Variants in SZT2 observed in about 807,000 individuals in gnomAD.
SZT2 encodes the protein SZT2 subunit of KICSTOR complex.
In SZT2, 216 loss-of-function variants were observed where a neutral mutation model predicts 404.2. The ratio of observed to expected loss-of-function variants is 0.53; its 90% CI spans 0.48 to 0.60. The LOEUF (loss-of-function observed/expected upper bound fraction) is 0.60, where lower values mean the gene tolerates loss of function less well. Among genes scored for constraint, SZT2 ranks in the 20% least tolerant of loss-of-function variants. SZT2 has a pLI of 0.00. For synonymous variants in SZT2, 1,693 were observed against 1,749.9 expected, an observed-to-expected ratio of 0.97 and a Z score of 0.81; for missense variants, 3,857 against 4,459.2, an observed-to-expected ratio of 0.86 and a Z score of 3.85.
chr1:43,419,973 A>C lies in SZT2; in HGVS notation c.1090+29A>C, dbSNP rs1889589. ...AGAGGCACACTGAGGTGGGTGTGGG[A>C]AGGAGGGAATATAGAATGGGCCCAG... On this transcript the variant is annotated intron_variant, in intron 8 of 71. Transcript: ENST00000634258. The C allele has an allele frequency of 1.2e-3, 1,914 of 1,597,190 alleles. 10 individuals are homozygous for C. Among genetic ancestry groups the C allele is most frequent in the African/African-American group, 8.2e-3 (617 of 74,980 alleles).
At position 43,451,015 on chromosome 1, in the gene SZT2, T is replaced by C; in HGVS notation, c.*535T>C. On this transcript the variant is annotated 3_prime_UTR_variant, in exon 72 of 72. Coordinates refer to ENST00000634258, the MANE Select transcript of SZT2 (RefSeq NM_001365999.1). ...TTGCTCTCGGACCCTGGGTTTCTCA[T>C]CCTTTAATGAGGTGGGTTCAGAAGC... 1 of 769,674 alleles carries C rather than the reference T, an allele frequency of 1.3e-6. No individual in the cohort carries two copies. The highest frequency in any genetic ancestry group is 2.4e-6 in the Non-Finnish European group (1 of 422,752). The allele number at this position is 769,674 out of a possible 1,614,324, so 47.7% of individuals were successfully genotyped here.
Position 43,453,279 on chromosome 1 carries a change from A to G in SZT2, c.*2799A>G. ...ACCAGGACCGCAGAGGCAGAGATAA[A>G]CCAGTGGGCTCAGACTTCTGAGCGT... On this transcript the variant is annotated 3_prime_UTR_variant, in exon 72 of 72. Transcript: ENST00000634258. 1 of 737,516 alleles carries G rather than the reference A, an allele frequency of 1.4e-6. No individual in the cohort carries two copies. Among genetic ancestry groups the G allele is most frequent in the Non-Finnish European group, 2.2e-6 (1 of 452,688 alleles). 45.7% of individuals were successfully genotyped at this position (737,516 alleles called of 1,614,324 possible). A position where few individuals can be genotyped will look rare whatever the true frequency, so the allele number is the denominator to read the frequency against.
At chr1:43,418,512 G>A (rs1651957293) in intron 7 of SZT2, among the ~76,000 whole-genome samples, 1 of 152,236 alleles carries the variant, frequency 6.6e-6, no homozygotes, top group Non-Finnish European at 1.5e-5. Context: ...GTACTGTAAG[G>A]AAGAGGCCAG....
Position 43,443,776 on chromosome 1 carries a change from G to A in SZT2, c.8805G>A (p.Arg2935=). ...TAGGTTTTGTGCTGGTACCACTGCG[G>A]CCCCCCTCACCCGCCCGCAGGTGAG... is the stretch of plus-strand genomic sequence containing the variant. The part of the protein sequence containing the change: ...QSIGFVLVPL[R]PPSPARSTSR... Residue 2935 remains arginine (R), a synonymous_variant, in exon 62 of 72, where the codon CGG becomes CGA. Coordinates refer to ENST00000634258, the MANE Select transcript of SZT2 (RefSeq NM_001365999.1). The A allele has an allele frequency of 6.2e-7, 1 of 1,613,686 alleles. No individual in the cohort carries two copies. Among genetic ancestry groups the A allele is most frequent in the Non-Finnish European group, 8.5e-7 (1 of 1,180,024 alleles).
chr1:43,430,264 G>A lies in SZT2; in HGVS notation c.4402-47G>A, dbSNP rs369544440. On this transcript the variant is annotated intron_variant, in intron 30 of 71. Transcript: ENST00000634258. ...TGTAATCCCACTTGCCTAGGATGAG[G>A]CAAGTGGGATTCTTGCCTCATCATC... 5 of 1,606,898 alleles carry A rather than the reference G, an allele frequency of 3.1e-6. No individual in the cohort carries two copies. In the African/African-American group the frequency reaches 6.7e-5, roughly 22 times the overall value.
intron 4 of SZT2, chr1:43,411,853 A>G (rs2153931014): frequency 8.1e-6 from 1 of 123,472 alleles, no homozygotes; most frequent in Non-Finnish European, 1.6e-5. Context: ...ATCTTGGTTC[A>G]TTGCAACCTC....
Position 43,426,820 on chromosome 1 carries a change from ATTC to A in SZT2, c.3309+16_3309+18del. On this transcript the variant is annotated intron_variant, in intron 23 of 71. Coordinates refer to ENST00000634258, the MANE Select transcript of SZT2 (RefSeq NM_001365999.1). This position sits in a 1 kb window ranked among gnomAD's most constrained non-coding sequence, Gnocchi z 4.9. Reference sequence around the variant, plus strand: ...GCTTTTACTTCCCTGGTCAGCACCGATTCTTCTCCCTGAGCCCTTGTCACACTG... The same window carrying A: ...GCTTTTACTTCCCTGGTCAGCACCGATTCTCCCTGAGCCCTTGTCACACTG... 1.2e-6 allele frequency: 2 copies of A among 1,612,514 alleles called. No homozygotes were observed. Among genetic ancestry groups the A allele is most frequent in the Middle Eastern group, 1.7e-4 (1 of 6,060 alleles).
At position 43,422,502 on chromosome 1, in the gene SZT2, A is replaced by AC. The variant is rs2153932502; in HGVS notation, c.1796dup (p.Ser601GlnfsTer37). The stretch of plus-strand genomic sequence containing the variant: ...TAGACCAATCCCCAAGCACTTGCAC[A>AC]CCCCGGGCAGCAATGGGCGCTACAG... On this transcript the variant is annotated frameshift_variant, in exon 13 of 72. Transcript: ENST00000634258. LOFTEE classifies it high-confidence loss of function. The AC allele has an allele frequency of 1.5e-5, 24 of 1,588,380 alleles. No homozygotes were observed. The highest frequency in any genetic ancestry group is 2.0e-5 in the Non-Finnish European group (24 of 1,172,864).
chr1:43,408,941 G>A (rs1557521289), intron 4 of SZT2, among the ~76,000 whole-genome samples: 1 of 152,300 alleles, frequency 6.6e-6, no homozygotes, highest in South Asian at 2.1e-4. Flanking sequence ...GGCATGTGGG[G>A]CAGGTTGTAC....
At chr1:43,416,921 CATT>C (rs1483016845) in intron 7 of SZT2, among the ~76,000 whole-genome samples, 2 of 152,148 alleles carry the variant, frequency 1.3e-5, no homozygotes, top group African/African-American at 4.8e-5. Context: ...GTAGATTAGT[CATT>C]ATTGTTTTGA....
chr1:43,424,529 C>A lies in SZT2; in HGVS notation c.2471+97C>A. 1 of 1,262,262 alleles carries A rather than the reference C, an allele frequency of 7.9e-7. No homozygotes were observed. The allele number at this position is 1,262,262 out of a possible 1,614,324, so 78.2% of individuals were successfully genotyped here. Reference sequence around the variant, plus strand: ...AGCCTATAGCACACACTTCTCCTCTCTAATTCCCAGTCTGAAGTATAGAGC... The same window carrying A: ...AGCCTATAGCACACACTTCTCCTCTATAATTCCCAGTCTGAAGTATAGAGC... On this transcript the variant is annotated intron_variant, in intron 16 of 71. Transcript: ENST00000634258. This position sits in a 1 kb window ranked among gnomAD's most constrained non-coding sequence, Gnocchi z 4.1.
At position 43,426,767 on chromosome 1, in the gene SZT2, C is replaced by G; in HGVS notation, c.3267C>G (p.Val1089=). Residue 1089 remains valine (V), a synonymous_variant, in exon 23 of 72, where the codon GTC becomes GTG. Coordinates refer to ENST00000634258, the MANE Select transcript of SZT2 (RefSeq NM_001365999.1). The surrounding 1 kb of genome is among the most constrained non-coding windows in gnomAD (Gnocchi z 4.9). ...ATGGGATCCCGAAGGAGCAAGCAGT[C>G]GGCAGCACCCAGGCCACAGGAGACT... is the stretch of plus-strand genomic sequence containing the variant. ...GVHGIPKEQA[V]GSTQATGDSA... 1.2e-6 allele frequency: 2 copies of G among 1,613,592 alleles called. No homozygotes were observed. Among genetic ancestry groups the G allele is most frequent in the East Asian group, 2.2e-5 (1 of 44,868 alleles).
chr1:43,419,983 T>C, intron 8 of SZT2, 39 bp downstream of exon 8: 1 of 1,595,376 alleles, frequency 6.3e-7, no homozygotes, highest in Non-Finnish European at 8.5e-7. Flanking sequence ...AAGGAGGGAA[T>C]ATAGAATGGG....
At chr1:43,434,274 C>T in intron 40 of SZT2, 112 bp from the exon 41 acceptor site, 1 of 930,146 alleles carries the variant, frequency 1.1e-6, no homozygotes, top group South Asian at 1.7e-5. Context: ...ACCTCCATGA[C>T]TTTCTCTCCC....
chr1:43,420,134 A>G lies in SZT2; in HGVS notation c.1091-19A>G. 6.3e-7 allele frequency: 1 copy of G among 1,597,186 alleles called. No homozygotes were observed. The highest frequency in any genetic ancestry group is 8.5e-7 in the Non-Finnish European group (1 of 1,179,000). On this transcript the variant is annotated intron_variant, in intron 8 of 71. Coordinates refer to ENST00000634258, the MANE Select transcript of SZT2 (RefSeq NM_001365999.1). The surrounding 1 kb of genome is among the most constrained non-coding windows in gnomAD (Gnocchi z 5.1). ...GCAGATAACCAGTTTCTCCTTCCCC[A>G]TCTCCACTGGTCTTCCAGGCTCTCA...
intron 13 of SZT2, 23 bp downstream of exon 13, chr1:43,422,655 A>AGGGGGGGGGGGGGGGGGGGGG: frequency 9.1e-7 from 1 of 1,095,026 alleles, no homozygotes; most frequent in Non-Finnish European, 1.2e-6. Context: ...ATGTCCCTTC[A>AGGGGGGGGGGGGGGGGGGGGG]CCCCCCGCCC....
intron 1 of SZT2, among the ~76,000 whole-genome samples, chr1:43,392,414 CTTT>C (rs1287158167): frequency 2.3e-5 from 3 of 133,228 alleles, no homozygotes; most frequent in Admixed American, 7.6e-5. Flanking sequence ...AAAAGTTAAG[CTTT>C]TTTTTTTTTT....
At chr1:43,395,586 C>G (rs1648899848) in intron 1 of SZT2, among the ~76,000 whole-genome samples, 1 of 152,210 alleles carries the variant, frequency 6.6e-6, no homozygotes, top group Non-Finnish European at 1.5e-5. Context: ...CAGGCATGGG[C>G]CACTGCACGT....
rs976476139 is a variant in SZT2 at position 43,415,872 on chromosome 1, G to A, written c.631-88G>A. ...ACAGGATTCGGCCTGTCTGGCCTGA[G>A]AAGTGCTGGGCTATAAATTCTGGCT... On this transcript the variant is annotated intron_variant, in intron 5 of 71. Coordinates refer to ENST00000634258, the MANE Select transcript of SZT2 (RefSeq NM_001365999.1). The A allele has an allele frequency of 2.7e-6, 4 of 1,455,658 alleles. No individual in the cohort carries two copies. In the African/African-American group the frequency reaches 5.6e-5, roughly 21 times the overall value. The allele number at this position is 1,455,658 out of a possible 1,614,324, so 90.2% of individuals were successfully genotyped here. A position where few individuals can be genotyped will look rare whatever the true frequency, so the allele number is the denominator to read the frequency against.
Sources: allele counts gnomAD v4.1 joint callset (sites outside exome capture counted in the v4.1 genomes callset), GRCh38; gene constraint gnomAD v4.1.1; non-coding constraint Gnocchi (gnomAD v3.1); transcripts MANE v1.5; gene names NCBI Gene and HGNC (gene_info 2026-07-23, HGNC 2026-07-21).